Variants in KIF6 observed in about 807,000 individuals in gnomAD.
The protein encoded by KIF6 is kinesin-like protein KIF6.
KIF6 carries 106 observed loss-of-function variants against 112.7 expected under a neutral mutation model. That is an observed-to-expected ratio of 0.94 (90% CI 0.80 to 1.11). The LOEUF (loss-of-function observed/expected upper bound fraction) is 1.11. Among genes scored for constraint, KIF6 ranks in the 50% least tolerant of loss-of-function variants. The pLI, the probability that KIF6 is intolerant of heterozygous loss-of-function variation, is 0.00. For missense variants in KIF6, 929 were observed against 964.0 expected, an observed-to-expected ratio of 0.96 and a Z score of 0.48; for synonymous variants, 339 against 339.9, an observed-to-expected ratio of 1.00 and a Z score of 0.03.
intron 13 of KIF6, among the ~76,000 whole-genome samples, chr6:39,451,589 C>T (rs767854990): frequency 2.0e-5 from 3 of 152,116 alleles, no homozygotes; most frequent in Non-Finnish European, 2.9e-5. Context: ...GCAGTGGAAT[C>T]GATTACACCT....
chr6:39,485,907 T>C (rs1038843531), intron 13 of KIF6, among the ~76,000 whole-genome samples: 1 of 152,206 alleles, frequency 6.6e-6, no homozygotes, highest in Admixed American at 6.5e-5. Context: ...ATGAGGGAGA[T>C]AGGTGTATAT....
In KIF6 at chr6:39,445,392, T is replaced by A. The variant is rs116017769; in HGVS notation, c.1646-14231A>T. Among the ~76,000 whole-genome samples the A allele has an allele frequency of 8.1e-3, 1,238 of 152,372 alleles. 12 individuals are homozygous for A. The highest frequency in any genetic ancestry group is 0.028 in the African/African-American group (1,162 of 41,582). ...AGCTTCTTCTCTGGAAAGCATTTTA[T>A]TGTTTAAATATAACATTCGTTTATT... On this transcript the variant is annotated intron_variant, in intron 13 of 22. Transcript: ENST00000287152.
intron 10 of KIF6, among the ~76,000 whole-genome samples, chr6:39,569,558 T>C (rs1387045420): frequency 6.6e-6 from 1 of 152,238 alleles, no homozygotes; most frequent in Non-Finnish European, 1.5e-5. Context: ...TTTGTTTGAT[T>C]AGCCAATAAA....
chr6:39,562,713 TATATAAAAAGTCTA>T (rs1021921639), intron 10 of KIF6, among the ~76,000 whole-genome samples: 10 of 152,200 alleles, frequency 6.6e-5, no homozygotes, highest in East Asian at 1.9e-4. Flanking sequence ...TTAGACTACA[TATATAAAAAGTCTA>T]ATATAAAATG....
intron 13 of KIF6, among the ~76,000 whole-genome samples, chr6:39,469,917 A>C (rs1774018384): frequency 6.6e-6 from 1 of 152,210 alleles, no homozygotes. Flanking sequence ...ATCAATAAGG[A>C]AATAGGGAAC....
At chr6:39,423,476 A>G (rs954623599) in intron 14 of KIF6, among the ~76,000 whole-genome samples, 3 of 149,850 alleles carry the variant, frequency 2.0e-5, no homozygotes, top group Non-Finnish European at 4.4e-5. Context: ...CATTTTCCCT[A>G]CTCCCTGTAG....
chr6:39,626,445 C>T (rs1784099005), intron 5 of KIF6, among the ~76,000 whole-genome samples: 2 of 152,096 alleles, frequency 1.3e-5, no homozygotes, highest in African/African-American at 4.8e-5. Flanking sequence ...CACCAGCACC[C>T]CCAGCTCTGA....
At chr6:39,701,179 G>A (rs551184704) in intron 3 of KIF6, among the ~76,000 whole-genome samples, 1 of 152,274 alleles carries the variant, frequency 6.6e-6, no homozygotes, top group South Asian at 2.1e-4. Flanking sequence ...TGCTGCCTGA[G>A]CTCCAAAAGT....
chr6:39,700,723 T>C (rs1007973849), intron 3 of KIF6, among the ~76,000 whole-genome samples: 1 of 152,188 alleles, frequency 6.6e-6, no homozygotes, highest in East Asian at 1.9e-4. Flanking sequence ...TTTAATTTTT[T>C]TTTTTTTTGA....
At chr6:39,474,799 C>A (rs9296299) in intron 13 of KIF6, among the ~76,000 whole-genome samples, 15 of 152,340 alleles carry the variant, frequency 9.8e-5, no homozygotes, top group African/African-American at 3.6e-4. Flanking sequence ...TGGCAAGCCT[C>A]ATACGATGGT....
At chr6:39,657,669 TG>T (rs1361870892) in intron 3 of KIF6, among the ~76,000 whole-genome samples, 1 of 152,254 alleles carries the variant, frequency 6.6e-6, no homozygotes, top group Admixed American at 6.5e-5. Context: ...AAAGTTATTT[TG>T]CCTTGCAGTT....
intron 13 of KIF6, among the ~76,000 whole-genome samples, chr6:39,470,934 T>C (rs989233275): frequency 6.6e-6 from 1 of 152,314 alleles, no homozygotes; most frequent in South Asian, 2.1e-4. Flanking sequence ...GAGCTCTTTT[T>C]CCCCCTGACC....
chr6:39,522,930 C>T (rs952131289), intron 13 of KIF6, among the ~76,000 whole-genome samples: 4 of 152,142 alleles, frequency 2.6e-5, no homozygotes, highest in African/African-American at 9.7e-5. Context: ...AGCCTTGGAC[C>T]CCCTTATCTG....
intron 3 of KIF6, among the ~76,000 whole-genome samples, chr6:39,681,054 C>G (rs1358877936): frequency 6.6e-6 from 1 of 151,932 alleles, no homozygotes; most frequent in African/African-American, 2.4e-5. Context: ...TAATAAATGA[C>G]TTCAAAAAGT....
intron 15 of KIF6, among the ~76,000 whole-genome samples, chr6:39,418,528 C>T (rs186382226): frequency 3.3e-5 from 5 of 152,304 alleles, no homozygotes; most frequent in Admixed American, 1.3e-4. Flanking sequence ...TATTTTACAA[C>T]GTCTGCCCCT....
intron 15 of KIF6, among the ~76,000 whole-genome samples, chr6:39,404,979 A>G (rs1281753060): frequency 2.6e-5 from 4 of 150,984 alleles, no homozygotes; most frequent in Non-Finnish European, 4.4e-5. Flanking sequence ...TGACTATAAT[A>G]TATTTAAAAG....
At chr6:39,447,742 C>T (rs904907411) in intron 13 of KIF6, among the ~76,000 whole-genome samples, 28 of 152,282 alleles carry the variant, frequency 1.8e-4, no homozygotes, top group African/African-American at 6.3e-4. Flanking sequence ...CTTGGAAATG[C>T]TTCAACAGAG....
intron 19 of KIF6, among the ~76,000 whole-genome samples, chr6:39,349,305 A>T (rs1764029773): frequency 6.6e-6 from 1 of 151,982 alleles, no homozygotes; most frequent in African/African-American, 2.4e-5. Context: ...CCCAGGGGCT[A>T]CTCCTTAGAC....
chr6:39,532,015 C>T (rs989348882), intron 13 of KIF6, among the ~76,000 whole-genome samples: 1 of 152,132 alleles, frequency 6.6e-6, no homozygotes, highest in African/African-American at 2.4e-5. Context: ...CATTGATTCT[C>T]TCTGCTTGTA....
Sources: gnomAD v4.1 joint callset for allele counts (sites outside exome capture counted in the v4.1 genomes callset) on GRCh38, gnomAD v4.1.1 for gene constraint, MANE v1.5 for transcripts, NCBI Gene and HGNC (gene_info 2026-07-23, HGNC 2026-07-21) for gene names.